The following AHCY variants were observed in gnomAD, a reference collection of about 807,000 sequenced individuals.
The protein encoded by AHCY is S-adenosyl-L-homocysteine hydrolase.
Under a neutral mutation model 45.4 loss-of-function variants are expected in AHCY, and 24 were observed. The observed-to-expected ratio is 0.53, with a 90% CI of 0.38 to 0.74. AHCY has a LOEUF of 0.74. Ranked by LOEUF, AHCY falls within the 30% of genes least tolerant of loss-of-function variation. AHCY has a pLI of 0.00. For synonymous variants in AHCY, 245 were observed against 235.1 expected (o/e 1.04, Z -0.39); for missense variants, 449 against 594.1 (o/e 0.76, Z 2.54).
At chr20:34,275,393 A>G (rs2035902521), downstream of AHCY, among the ~76,000 whole-genome samples, 1 of 151,928 alleles carries the variant, frequency 6.6e-6, no homozygotes, top group South Asian at 2.1e-4. Context: ...CGGCCTCCCA[A>G]AGTGCTGGGA....
the AHCY span, chr20:34,268,922 C>T: frequency 1.9e-6 from 3 of 1,540,002 alleles, no homozygotes; most frequent in Non-Finnish European, 2.6e-6. Context: ...CCGAGGAGCT[C>T]CCAGGCAGAG....
At chr20:34,295,373 G>A (rs779931363) in intron 2 of AHCY, 22 bp downstream of exon 2, 6 of 1,613,650 alleles carry the variant, frequency 3.7e-6, no homozygotes, top group African/African-American at 1.3e-5. Flanking sequence ...GGACTCTGGG[G>A]TGATACAGCT....
intron 1 of AHCY, among the ~76,000 whole-genome samples, chr20:34,300,225 T>C (rs974608692): frequency 6.6e-6 from 1 of 152,134 alleles, no homozygotes; most frequent in South Asian, 2.1e-4. Flanking sequence ...CACTTCTCAG[T>C]TGGACACTGC....
chr20:34,299,662 G>C (rs571113479), intron 1 of AHCY, among the ~76,000 whole-genome samples: 1 of 152,246 alleles, frequency 6.6e-6, no homozygotes, highest in Non-Finnish European at 1.5e-5. Flanking sequence ...TGTCCAGTTG[G>C]ATCTATTATG....
At chr20:34,247,033 C>T in the AHCY span, among the ~76,000 whole-genome samples, 11 of 152,002 alleles carry the variant, frequency 7.2e-5, no homozygotes, top group African/African-American at 1.9e-4. Context: ...CACTCTATCA[C>T]CCAGGCTGGA....
chr20:34,253,048 G>A, the AHCY span, among the ~76,000 whole-genome samples: 1 of 152,140 alleles, frequency 6.6e-6, no homozygotes, highest in Non-Finnish European at 1.5e-5. Flanking sequence ...AGATCAAAAT[G>A]GAGTTTTTTA....
At chr20:34,282,388 G>A (rs369699077) in intron 9 of AHCY, among the ~76,000 whole-genome samples, 8 of 152,188 alleles carry the variant, frequency 5.3e-5, no homozygotes, top group African/African-American at 1.4e-4. Context: ...AATCTTGACC[G>A]CAACCTCATG....
At chr20:34,257,078 TTTTTG>T in the AHCY span, among the ~76,000 whole-genome samples, 16 of 147,444 alleles carry the variant, frequency 1.1e-4, no homozygotes, top group African/African-American at 2.6e-4. Flanking sequence ...CTCTTTTTTT[TTTTTG>T]TTTTTTGTTT....
At chr20:34,267,860 C>A in the AHCY span, among the ~76,000 whole-genome samples, 4 of 151,234 alleles carry the variant, frequency 2.6e-5, no homozygotes, top group East Asian at 7.8e-4. Context: ...AAAAAAGGTG[C>A]AATTAATTGT....
At position 34,292,392 on chromosome 20, in the gene AHCY, G is replaced by T; in HGVS notation, c.411C>A (p.Asn137Lys). The T allele has an allele frequency of 1.2e-6, 2 of 1,613,710 alleles. No individual in the cohort carries two copies. The highest frequency in any genetic ancestry group is 2.2e-5 in the East Asian group (1 of 44,892). ...GCTGCGGGTACTTGGTGTGGATGAG[G>T]TTGGTGAGGTCGCCCCCGTCGTCCA... ...MILDDGGDLT[N>K]LIHTKYPQLL... The change falls in exon 4 of 10, where the codon AAC becomes AAA. Residue 137 changes from asparagine to lysine, a missense_variant. Physicochemically the swap from Asn to Lys is moderately conservative, Grantham distance 94 (BLOSUM62 0). Coordinates refer to ENST00000217426, the MANE Select transcript of AHCY (RefSeq NM_000687.4).
the AHCY span, among the ~76,000 whole-genome samples, chr20:34,258,685 A>ATATATATATATATATATATG: frequency 2.4e-3 from 179 of 74,464 alleles, 18 homozygotes; most frequent in African/African-American, 0.015. Context: ...ATATATATAT[A>ATATATATATATATATATATG]TATATACATA....
chr20:34,236,292 C>A, the AHCY span, among the ~76,000 whole-genome samples: 3 of 152,184 alleles, frequency 2.0e-5, no homozygotes, highest in African/African-American at 7.2e-5. Flanking sequence ...ATAATCCCAG[C>A]ACTTTGGGAG....
chr20:34,251,275 C>CT, the AHCY span, among the ~76,000 whole-genome samples: 17,610 of 146,568 alleles, frequency 0.12, 1,107 homozygotes, highest in East Asian at 0.22. Flanking sequence ...CTCTGTGTAA[C>CT]TTTTTTTTTT....
the AHCY span, among the ~76,000 whole-genome samples, chr20:34,251,944 G>GA: frequency 6.6e-6 from 1 of 152,270 alleles, no homozygotes; most frequent in East Asian, 1.9e-4. Flanking sequence ...CCGTTGTTTA[G>GA]AAACCACCCA....
intron 9 of AHCY, among the ~76,000 whole-genome samples, chr20:34,284,610 C>T (rs1005645016): frequency 2.0e-5 from 3 of 152,098 alleles, no homozygotes; most frequent in Non-Finnish European, 2.9e-5. Context: ...CACTTGAAAT[C>T]AGGAGTTCGA....
At chr20:34,232,952 T>G in the AHCY span, among the ~76,000 whole-genome samples, 2 of 152,128 alleles carry the variant, frequency 1.3e-5, no homozygotes, top group Non-Finnish European at 2.9e-5. Context: ...ACATTAACTG[T>G]TCCCTACCTC....
At chr20:34,298,190 G>A (rs2036634295) in intron 1 of AHCY, among the ~76,000 whole-genome samples, 1 of 151,944 alleles carries the variant, frequency 6.6e-6, no homozygotes, top group Non-Finnish European at 1.5e-5. Context: ...AAGCCACCCA[G>A]GCACCGAGGC....
At chr20:34,246,386 C>T in the AHCY span, 1 of 1,410,508 alleles carries the variant, frequency 7.1e-7, no homozygotes, top group Non-Finnish European at 9.8e-7. Context: ...CCATTGTTTA[C>T]AATGAGCAAC....
the AHCY span, among the ~76,000 whole-genome samples, chr20:34,255,724 C>CAA: frequency 6.6e-6 from 1 of 152,208 alleles, no homozygotes; most frequent in Admixed American, 6.5e-5. Flanking sequence ...GACCAGAAGA[C>CAA]AAGAGTGTGA....
Sources: gnomAD v4.1 joint callset for allele counts (sites outside exome capture counted in the v4.1 genomes callset) on GRCh38, gnomAD v4.1.1 for gene constraint, MANE v1.5 for transcripts, NCBI Gene and HGNC (gene_info 2026-07-23, HGNC 2026-07-21) for gene names.